Variants in IPO11 observed in about 807,000 individuals in gnomAD.
The protein encoded by IPO11 is importin-11.
IPO11 carries 66 observed loss-of-function variants against 143.2 expected under a neutral mutation model. The ratio of observed to expected loss-of-function variants is 0.46; its 90% CI spans 0.38 to 0.57. The LOEUF is 0.57. IPO11 is among the 20% of genes least tolerant of loss of function. The pLI is 0.00. For synonymous variants in IPO11, 385 were observed against 377.8 expected, an observed-to-expected ratio of 1.02 and a Z score of -0.22; for missense variants, 1,026 against 1,141.0, an observed-to-expected ratio of 0.90 and a Z score of 1.45.
chr5:62,565,653 T>G (rs1259752072), intron 27 of IPO11, among the ~76,000 whole-genome samples: 1 of 152,148 alleles, frequency 6.6e-6, no homozygotes, highest in Non-Finnish European at 1.5e-5. Flanking sequence ...TTGTGGTCAT[T>G]TTTCTTTTTT....
chr5:62,486,474 T>G (rs552625737), intron 12 of IPO11, among the ~76,000 whole-genome samples: 1 of 152,330 alleles, frequency 6.6e-6, no homozygotes, highest in Admixed American at 6.5e-5. Context: ...TCTTACCACT[T>G]CATGTGATTC....
chr5:62,593,101 G>A (rs1016235530), intron 28 of IPO11, among the ~76,000 whole-genome samples: 2 of 152,188 alleles, frequency 1.3e-5, no homozygotes, highest in East Asian at 1.9e-4. Context: ...CACTAGTGAT[G>A]AATGCAGACA....
At chr5:62,455,906 G>A (rs549976306) in intron 5 of IPO11, among the ~76,000 whole-genome samples, 3 of 152,040 alleles carry the variant, frequency 2.0e-5, no homozygotes, top group Admixed American at 1.3e-4. Context: ...TGTATTTTTA[G>A]TAGAGATAGG....
intron 29 of IPO11, among the ~76,000 whole-genome samples, chr5:62,608,656 T>A (rs1164788055): frequency 6.6e-6 from 1 of 152,218 alleles, no homozygotes; most frequent in East Asian, 1.9e-4. Flanking sequence ...ATTTGCCATT[T>A]TAATTCCCAT....
At chr5:62,578,191 G>GTTACTACTAATTAGTAGC (rs1744393869) in intron 27 of IPO11, among the ~76,000 whole-genome samples, 1 of 152,022 alleles carries the variant, frequency 6.6e-6, no homozygotes, top group South Asian at 2.1e-4. Flanking sequence ...CAATTAGTGC[G>GTTACTACTAATTAGTAGC]TTACTACTAA....
intron 27 of IPO11, among the ~76,000 whole-genome samples, chr5:62,572,958 TC>T (rs1332611579): frequency 6.6e-6 from 1 of 152,176 alleles, no homozygotes; most frequent in African/African-American, 2.4e-5. Context: ...TTTCTCAAGT[TC>T]CGTTTGTTAC....
At chr5:62,465,430 G>A (rs1274952668) in intron 5 of IPO11, among the ~76,000 whole-genome samples, 7 of 152,138 alleles carry the variant, frequency 4.6e-5, no homozygotes, top group Non-Finnish European at 7.4e-5. Flanking sequence ...TTGAAATAAA[G>A]CTTTTTTCCC....
intron 28 of IPO11, among the ~76,000 whole-genome samples, chr5:62,597,063 AT>A (rs1234862985): frequency 6.6e-6 from 1 of 152,192 alleles, no homozygotes; most frequent in Non-Finnish European, 1.5e-5. Flanking sequence ...TACTGCTAAT[AT>A]ACAATATTTA....
chr5:62,552,076 AT>A (rs1743407183), intron 26 of IPO11, among the ~76,000 whole-genome samples: 1 of 152,128 alleles, frequency 6.6e-6, no homozygotes, highest in Admixed American at 6.6e-5. Flanking sequence ...GTGAGTGGAG[AT>A]CATGCCACTG....
intron 1 of IPO11, chr5:62,418,969 T>C: frequency 6.5e-7 from 1 of 1,535,910 alleles, no homozygotes; most frequent in Non-Finnish European, 8.8e-7. Flanking sequence ...AAATGGGTCG[T>C]TAGGCAATTT....
At chr5:62,541,247 T>C (rs1193648794) in intron 24 of IPO11, among the ~76,000 whole-genome samples, 2 of 151,760 alleles carry the variant, frequency 1.3e-5, no homozygotes, top group Non-Finnish European at 2.9e-5. Flanking sequence ...GCCACATGCC[T>C]GTAATCCCAG....
chr5:62,495,600 A>G (rs548128406), intron 16 of IPO11, among the ~76,000 whole-genome samples: 49 of 152,210 alleles, frequency 3.2e-4, no homozygotes, highest in African/African-American at 1.1e-3. Flanking sequence ...TCAGCCTCCC[A>G]GGTATCTGGG....
intron 5 of IPO11, among the ~76,000 whole-genome samples, chr5:62,462,244 G>T (rs1745384965): frequency 6.6e-6 from 1 of 152,122 alleles, no homozygotes; most frequent in Non-Finnish European, 1.5e-5. Flanking sequence ...TTATGGAACA[G>T]AATAGAATTT....
intron 27 of IPO11, chr5:62,579,412 C>A: frequency 1.3e-6 from 2 of 1,548,866 alleles, no homozygotes; most frequent in Non-Finnish European, 1.7e-6. Flanking sequence ...CAATTCTGAT[C>A]TGAACAGAAA....
At chr5:62,469,273 T>TA (rs1448318131) in intron 6 of IPO11, among the ~76,000 whole-genome samples, 2 of 152,300 alleles carry the variant, frequency 1.3e-5, no homozygotes, top group Non-Finnish European at 1.5e-5. Context: ...GAGGAAAACT[T>TA]ACTGCATCGT....
chr5:62,421,776 A>C (rs2112097622), intron 1 of IPO11, among the ~76,000 whole-genome samples: 1 of 152,352 alleles, frequency 6.6e-6, no homozygotes, highest in South Asian at 2.1e-4. Context: ...ATAGTGATTA[A>C]CTGTGGGATT....
intron 29 of IPO11, among the ~76,000 whole-genome samples, chr5:62,616,192 G>A (rs928965536): frequency 2.6e-5 from 4 of 152,048 alleles, no homozygotes; most frequent in Non-Finnish European, 5.9e-5. Flanking sequence ...TCTATCTAAC[G>A]GCATTATTAT....
intron 5 of IPO11, among the ~76,000 whole-genome samples, chr5:62,452,710 C>T (rs901721222): frequency 8.1e-6 from 1 of 122,934 alleles, no homozygotes. Context: ...GGGTTTTGTT[C>T]TGTTTTTGGT....
chr5:62,453,232 TG>T (rs1307668211), intron 5 of IPO11, among the ~76,000 whole-genome samples: 2 of 151,078 alleles, frequency 1.3e-5, no homozygotes, highest in African/African-American at 5.0e-5. Context: ...GGCTTTTCCT[TG>T]GGAGCTTCCA....
Sources: gnomAD v4.1 joint callset for allele counts (sites outside exome capture counted in the v4.1 genomes callset) on GRCh38, gnomAD v4.1.1 for gene constraint, MANE v1.5 for transcripts, NCBI Gene and HGNC (gene_info 2026-07-23, HGNC 2026-07-21) for gene names.